The following CALD1 variants were observed in gnomAD, a reference collection of about 807,000 sequenced individuals.
The protein encoded by CALD1 is caldesmon 1.
CALD1 carries 33 observed loss-of-function variants against 99.9 expected under a neutral mutation model. The observed-to-expected ratio is 0.33, with a 90% CI of 0.25 to 0.44. CALD1 has a LOEUF of 0.44. Ranked by LOEUF, CALD1 falls within the 20% of genes least tolerant of loss-of-function variation. The pLI is 1.00. For synonymous variants in CALD1, 310 were observed against 325.0 expected, an observed-to-expected ratio of 0.95 and a Z score of 0.50; for missense variants, 861 against 962.1, an observed-to-expected ratio of 0.89 and a Z score of 1.39.
chr7:134,780,099 C>A (rs1029443522), intron 1 of CALD1, among the ~76,000 whole-genome samples: 1 of 152,180 alleles, frequency 6.6e-6, no homozygotes, highest in Non-Finnish European at 1.5e-5. Flanking sequence ...GCCTACTGCA[C>A]CAGACTGCTC....
chr7:134,782,649 G>A (rs1797151475), intron 1 of CALD1, among the ~76,000 whole-genome samples: 1 of 152,172 alleles, frequency 6.6e-6, no homozygotes, highest in Admixed American at 6.5e-5. Flanking sequence ...CTTCTCCGAT[G>A]TCCCACAGTG....
chr7:134,814,772 CTA>C (rs1798493176), intron 1 of CALD1, among the ~76,000 whole-genome samples: 1 of 152,192 alleles, frequency 6.6e-6, no homozygotes. Context: ...AACAGTCTCT[CTA>C]TGATTGTTGA....
intron 3 of CALD1, among the ~76,000 whole-genome samples, chr7:134,874,217 G>A (rs1405372354): frequency 6.6e-6 from 1 of 151,548 alleles, no homozygotes; most frequent in Non-Finnish European, 1.5e-5. Context: ...TTTTGAGAAG[G>A]AGTCTCACTT....
At chr7:134,774,692 C>T (rs547559205), upstream of CALD1, among the ~76,000 whole-genome samples, 3 of 152,302 alleles carry the variant, frequency 2.0e-5, no homozygotes, top group East Asian at 5.8e-4. Context: ...GATTCTGAGG[C>T]TTGAATCAGC....
In CALD1 at chr7:134,968,371, C is replaced by G; in HGVS notation, c.*26C>G. On this transcript the variant is annotated 3_prime_UTR_variant, in exon 15 of 15. Transcript: ENST00000361675. ...GACAGTTCCAGAAAGAACCCAAGCTCAAGACGCAGGACGAGCTCAGTTGTA... is the reference window on the plus strand; with the variant it reads ...GACAGTTCCAGAAAGAACCCAAGCTGAAGACGCAGGACGAGCTCAGTTGTA... The G allele has an allele frequency of 1.2e-6, 2 of 1,611,528 alleles. No homozygotes were observed. The highest frequency in any genetic ancestry group is 2.2e-5 in the South Asian group (2 of 91,006).
At chr7:134,724,314 T>G in the CALD1 span, among the ~76,000 whole-genome samples, 3 of 152,206 alleles carry the variant, frequency 2.0e-5, no homozygotes, top group Non-Finnish European at 4.4e-5. Context: ...ATATGAAGAT[T>G]AACCAGCTTA....
chr7:134,720,183 T>C, the CALD1 span, among the ~76,000 whole-genome samples: 1 of 114,270 alleles, frequency 8.8e-6, no homozygotes, highest in Admixed American at 7.8e-5. Context: ...TTAGCCCTCC[T>C]CTTTTTTTTT....
intron 1 of CALD1, among the ~76,000 whole-genome samples, chr7:134,837,887 C>T (rs980892305): frequency 6.6e-6 from 1 of 152,176 alleles, no homozygotes; most frequent in Non-Finnish European, 1.5e-5. Context: ...AAGAGCTTCT[C>T]TTAGGTTATT....
chr7:134,848,604 T>C (rs1207370863), intron 2 of CALD1, among the ~76,000 whole-genome samples: 1 of 152,174 alleles, frequency 6.6e-6, no homozygotes, highest in Non-Finnish European at 1.5e-5. Flanking sequence ...CAGACGAGAA[T>C]GAATGCAAAC....
the CALD1 span, among the ~76,000 whole-genome samples, chr7:134,727,594 C>T: frequency 2.0e-5 from 3 of 152,218 alleles, no homozygotes; most frequent in South Asian, 6.2e-4. Context: ...AACAAGGAAA[C>T]AGCATGGGGC....
chr7:134,750,925 C>T (rs1427028858), intron 1 of CALD1, among the ~76,000 whole-genome samples: 1 of 152,194 alleles, frequency 6.6e-6, no homozygotes, highest in Non-Finnish European at 1.5e-5. Context: ...TCATACCATT[C>T]AGTCTCCCCT....
Position 134,933,543 on chromosome 7 carries a change from A to C in CALD1, c.774A>C (p.Glu258Asp). The change falls in exon 5 of 15, where the codon GAA becomes GAC. Residue 258 changes from glutamate (E) to aspartate (D), a missense_variant. This residue lies in a region of CALD1 where 234 missense variants were observed against 233.1 expected (regional missense o/e 1.00). Coordinates refer to ENST00000361675, the MANE Select transcript of CALD1 (RefSeq NM_033138.4). Reference sequence around the variant, plus strand: ...AGATTTCCCATCATGAAAAGATGGAAGAGGAAGACAAGGAAAGAGCTGAGG... The same window carrying C: ...AGATTTCCCATCATGAAAAGATGGACGAGGAAGACAAGGAAAGAGCTGAGG... ...SDEISHHEKM[E>D]EEDKERAEAE... The C allele has an allele frequency of 6.2e-7, 1 of 1,613,938 alleles. No homozygotes were observed. Among genetic ancestry groups the C allele is most frequent in the Non-Finnish European group, 8.5e-7 (1 of 1,179,920 alleles).
rs1808155750 is a variant in CALD1, at chr7:134,960,223, T to C, written c.2199+112T>C. 4 of 1,275,088 alleles carry C rather than the reference T, an allele frequency of 3.1e-6. No homozygotes were observed. The Admixed American group carries it at 7.7e-5, about 24-fold the overall frequency. 79.0% of individuals were successfully genotyped at this position (1,275,088 alleles called of 1,614,324 possible). A position where few individuals can be genotyped will look rare whatever the true frequency, so the allele number is the denominator to read the frequency against. On this transcript the variant is annotated intron_variant, in intron 12 of 14. Transcript: ENST00000361675. ...ATAAAAGCAGTGAAGAAGGTGCAAT[T>C]TGTACTTTGTTTTGCAATGACCACA...
Position 134,833,966 on chromosome 7 carries a change from C to T in CALD1, c.-129-9918C>T, listed in dbSNP as rs1192508618. 9.2e-5 allele frequency among the ~76,000 whole-genome samples: 14 copies of T among 152,296 alleles called. No individual in the cohort carries two copies. The East Asian group carries it at 2.1e-3, about 23-fold the overall frequency. On this transcript the variant is annotated intron_variant, in intron 1 of 14. Transcript: ENST00000361675. ...CCCACTTAGAGGAAGACAAATAGGCCTTTTTCTTCCACGGAAGAAAGATGC... is the reference window on the plus strand; with the variant it reads ...CCCACTTAGAGGAAGACAAATAGGCTTTTTTCTTCCACGGAAGAAAGATGC...
chr7:134,713,495 G>T, the CALD1 span, among the ~76,000 whole-genome samples: 1 of 152,154 alleles, frequency 6.6e-6, no homozygotes, highest in Non-Finnish European at 1.5e-5. Context: ...CTTACACTAA[G>T]CAGGATTTCT....
At chr7:134,808,935 G>A (rs529598088) in intron 1 of CALD1, among the ~76,000 whole-genome samples, 1 of 152,156 alleles carries the variant, frequency 6.6e-6, no homozygotes, top group Non-Finnish European at 1.5e-5. Context: ...CCAACTCTTA[G>A]GTGATGAGGG....
At chr7:134,819,576 T>C (rs1439467704) in intron 1 of CALD1, among the ~76,000 whole-genome samples, 1 of 152,234 alleles carries the variant, frequency 6.6e-6, no homozygotes, top group Non-Finnish European at 1.5e-5. Flanking sequence ...GATGGCTTAA[T>C]AAAGTGTTTA....
chr7:134,875,648 C>T (rs996589745), intron 3 of CALD1, among the ~76,000 whole-genome samples: 16 of 152,214 alleles, frequency 1.1e-4, no homozygotes, highest in African/African-American at 3.6e-4. Context: ...ACCCCTTAAA[C>T]CATCTGTGAG....
chr7:134,943,921 T>A (rs1229881093), intron 7 of CALD1, among the ~76,000 whole-genome samples: 1 of 152,236 alleles, frequency 6.6e-6, no homozygotes, highest in Admixed American at 6.5e-5. Flanking sequence ...ACTGGATGGA[T>A]GTATTAGGAC....
Sources: allele counts gnomAD v4.1 joint callset (sites outside exome capture counted in the v4.1 genomes callset), GRCh38; gene constraint gnomAD v4.1.1; regional missense constraint gnomAD v4.1.1; transcripts MANE v1.5; gene names NCBI Gene and HGNC (gene_info 2026-07-23, HGNC 2026-07-21).